Variants in AJAP1 observed in about 807,000 individuals in gnomAD.
AJAP1 encodes adherens junction-associated protein 1.
A neutral mutation model predicts 35.0 loss-of-function variants in AJAP1; 5 were observed. The observed-to-expected ratio is 0.14, with a 90% confidence interval of 0.07 to 0.30. The LOEUF (loss-of-function observed/expected upper bound fraction) is 0.30, where lower values mean the gene tolerates loss of function less well. AJAP1 is among the 10% of genes least tolerant of loss of function. AJAP1 has a pLI of 1.00. For missense variants in AJAP1, 586 were observed against 571.0 expected (o/e 1.03, Z -0.27); for synonymous variants, 284 against 249.3 (o/e 1.14, Z -1.31).
At chr1:4,685,299 A>G (rs1207906764) in intron 1 of AJAP1, among the ~76,000 whole-genome samples, 1 of 152,234 alleles carries the variant, frequency 6.6e-6, no homozygotes, top group African/African-American at 2.4e-5. Flanking sequence ...TTCCATTTGT[A>G]TAATTCCGTA....
At chr1:4,754,584 GACA>G (rs1444330636) in intron 2 of AJAP1, among the ~76,000 whole-genome samples, 2 of 152,298 alleles carry the variant, frequency 1.3e-5, no homozygotes, top group South Asian at 2.1e-4. Context: ...AGGATGAGAG[GACA>G]ACATCTCACG....
At chr1:4,732,147 A>C (rs1640813660) in intron 2 of AJAP1, among the ~76,000 whole-genome samples, 1 of 152,260 alleles carries the variant, frequency 6.6e-6, no homozygotes, top group African/African-American at 2.4e-5. Context: ...AACAGCTTTC[A>C]GCCAGCCCCT....
chr1:4,682,828 G>A (rs1450030770), intron 1 of AJAP1, among the ~76,000 whole-genome samples: 1 of 152,174 alleles, frequency 6.6e-6, no homozygotes, highest in Admixed American at 6.5e-5. Context: ...TGATACTGGT[G>A]GTGTTGGTGA....
chr1:4,714,484 A>G (rs1640343269), intron 2 of AJAP1, among the ~76,000 whole-genome samples: 1 of 152,216 alleles, frequency 6.6e-6, no homozygotes. Context: ...TGGATGAGGA[A>G]ACAAGTTCCC....
At chr1:4,767,736 T>TCAG (rs889400480) in intron 2 of AJAP1, among the ~76,000 whole-genome samples, 6 of 152,112 alleles carry the variant, frequency 3.9e-5, no homozygotes, top group Admixed American at 2.6e-4. Flanking sequence ...ACCATCACCA[T>TCAG]CAGCAGCAGC....
At chr1:4,733,930 T>G (rs1290004555) in intron 2 of AJAP1, among the ~76,000 whole-genome samples, 1 of 151,786 alleles carries the variant, frequency 6.6e-6, no homozygotes. Context: ...CCTTATGAGA[T>G]GTGGATCAAA....
intron 2 of AJAP1, among the ~76,000 whole-genome samples, chr1:4,768,808 G>T (rs1006797747): frequency 1.3e-5 from 2 of 152,200 alleles, no homozygotes; most frequent in Non-Finnish European, 2.9e-5. Flanking sequence ...AGCCCTGGCT[G>T]GTTGGTAATG....
At chr1:4,769,662 G>T (rs1641788764) in intron 2 of AJAP1, among the ~76,000 whole-genome samples, 191 bp from the exon 3 acceptor site, 1 of 152,128 alleles carries the variant, frequency 6.6e-6, no homozygotes. Flanking sequence ...GGTGAGAGCA[G>T]CCTCATGCCC....
In AJAP1 at chr1:4,656,025, G is replaced by T. The variant is rs1638873907; in HGVS notation, c.29+571G>T. On this transcript the variant is annotated intron_variant, in intron 1 of 5. Transcript: ENST00000378191. The surrounding 1 kb of genome is among the most constrained non-coding windows in gnomAD (Gnocchi z 5.7). The stretch of plus-strand genomic sequence containing the variant: ...CCAGCTGTTTGCGGGTGACCTCCGG[G>T]CCCGACGGGCGCTCACAGCTGGCGG... Among the ~76,000 whole-genome samples, 1 of 152,082 alleles carries T rather than the reference G, an allele frequency of 6.6e-6. No individual in the cohort carries two copies. The highest frequency in any genetic ancestry group is 6.5e-5 in the Admixed American group (1 of 15,280).
chr1:4,710,465 A>G (rs1013697829), intron 1 of AJAP1, among the ~76,000 whole-genome samples: 1 of 55,030 alleles, frequency 1.8e-5, no homozygotes, highest in African/African-American at 1.0e-4. Context: ...ACACGTACAC[A>G]CTCACATACG....
chr1:4,765,023 C>T (rs569704277), intron 2 of AJAP1, among the ~76,000 whole-genome samples: 2 of 152,208 alleles, frequency 1.3e-5, no homozygotes, highest in Admixed American at 6.5e-5. Flanking sequence ...TGTCCCCATC[C>T]ATTATTTTGG....
rs925224773 is a variant in AJAP1 at position 4,787,682 on chromosome 1, C to T, written c.*5197C>T. 2.2e-6 allele frequency: 1 copy of T among 456,070 alleles called. No homozygotes were observed. Among genetic ancestry groups the T allele is most frequent in the African/African-American group, 2.0e-5 (1 of 50,078 alleles). The allele number at this position is 456,070 out of a possible 1,614,324, so 28.3% of individuals were successfully genotyped here. A position where few individuals can be genotyped will look rare whatever the true frequency, so the allele number is the denominator to read the frequency against. Reference sequence around the variant, plus strand: ...CCTGGGCACTGGCTCTGCCCAGCCCCTCCCATGTTGGTCCCATCTGTCAGG... The same window carrying T: ...CCTGGGCACTGGCTCTGCCCAGCCCTTCCCATGTTGGTCCCATCTGTCAGG... On this transcript the variant is annotated 3_prime_UTR_variant, in exon 6 of 6. Transcript: ENST00000378191.
chr1:4,668,883 C>T (rs1349082849), intron 1 of AJAP1, among the ~76,000 whole-genome samples: 2 of 152,128 alleles, frequency 1.3e-5, no homozygotes, highest in South Asian at 2.1e-4. Context: ...CAATTCCTTA[C>T]GTAGGAATTC....
rs1364242450 is a variant in AJAP1 at position 4,788,730 on chromosome 1, A to G, written c.*6245A>G. On this transcript the variant is annotated 3_prime_UTR_variant, in exon 6 of 6. Transcript: ENST00000378191. Reference sequence around the variant, plus strand: ...TTAAATACATAGGCCACAGCAGACTAAGGGAGCGGTGTGCACAATGGCCCC... The same window carrying G: ...TTAAATACATAGGCCACAGCAGACTGAGGGAGCGGTGTGCACAATGGCCCC... The G allele has an allele frequency of 6.6e-6, 1 of 152,268 alleles. No individual in the cohort carries two copies. The highest frequency in any genetic ancestry group is 1.5e-5 in the Non-Finnish European group (1 of 68,074). 9.4% of individuals were successfully genotyped at this position (152,268 alleles called of 1,614,324 possible).
At chr1:4,694,044 G>A (rs539405906) in intron 1 of AJAP1, among the ~76,000 whole-genome samples, 4 of 152,314 alleles carry the variant, frequency 2.6e-5, no homozygotes, top group Admixed American at 2.6e-4. Context: ...GTAGACCCGT[G>A]TTGGGGCTGC....
rs1640279477 is a variant in AJAP1 at position 4,712,443 on chromosome 1, C to T, written c.573C>T (p.Ala191=). Residue 191 remains alanine (A), a synonymous_variant, in exon 2 of 6, where the codon GCC becomes GCT. Coordinates refer to ENST00000378191, the MANE Select transcript of AJAP1 (RefSeq NM_018836.4). ...GGGGGCCCACGGGGGACGAGGAGGCCCTGGAGTCCAACACATTTCCGGGCG... is the reference window on the plus strand; with the variant it reads ...GGGGGCCCACGGGGGACGAGGAGGCTCTGGAGTCCAACACATTTCCGGGCG... ...IAWGPTGDEE[A]LESNTFPGVY... 1 of 1,608,998 alleles carries T rather than the reference C, an allele frequency of 6.2e-7. No homozygotes were observed.
At chr1:4,780,685 G>A (rs1422695009) in intron 5 of AJAP1, among the ~76,000 whole-genome samples, 1 of 144,584 alleles carries the variant, frequency 6.9e-6, no homozygotes, top group Non-Finnish European at 1.5e-5. Context: ...AGGCTGGAGT[G>A]TAGTGGTGCC....
chr1:4,668,638 T>C (rs1279970024), intron 1 of AJAP1, among the ~76,000 whole-genome samples: 1 of 152,188 alleles, frequency 6.6e-6, no homozygotes, highest in Non-Finnish European at 1.5e-5. Flanking sequence ...AGTGTGCCCG[T>C]AACTCAGGCT....
intron 2 of AJAP1, among the ~76,000 whole-genome samples, chr1:4,763,400 G>A (rs1487330970): frequency 6.6e-6 from 1 of 152,214 alleles, no homozygotes; most frequent in African/African-American, 2.4e-5. Context: ...CAAGCCGGAA[G>A]GACTTCCGAC....
Sources: allele counts gnomAD v4.1 joint callset (sites outside exome capture counted in the v4.1 genomes callset), GRCh38; gene constraint gnomAD v4.1.1; non-coding constraint Gnocchi (gnomAD v3.1); transcripts MANE v1.5; gene names NCBI Gene and HGNC (gene_info 2026-07-23, HGNC 2026-07-21).